CCNY: variants seen among roughly 807,000 people sequenced by gnomAD.
The protein encoded by CCNY is cyclin Y, also known as cyclin-Y.
CCNY carries 19 observed loss-of-function variants against 42.8 expected under a neutral mutation model. The ratio of observed to expected loss-of-function variants is 0.44; its 90% CI spans 0.31 to 0.65. CCNY has a LOEUF of 0.65. CCNY is among the 30% of genes least tolerant of loss of function. CCNY has a pLI of 0.07. For synonymous variants in CCNY, 165 were observed against 162.7 expected, an observed-to-expected ratio of 1.01 and a Z score of -0.11; for missense variants, 370 against 437.3, an observed-to-expected ratio of 0.85 and a Z score of 1.37.
chr10:35,251,161 T>C (rs1414100226), intron 3 of CCNY: 1 of 151,906 alleles, frequency 6.6e-6, no homozygotes, highest in African/African-American at 2.4e-5. Context: ...CGTTGGGAGG[T>C]GGAGGCAGGA....
intron 3 of CCNY, among the ~76,000 whole-genome samples, chr10:35,321,629 G>C (rs553908224): frequency 7.7e-4 from 117 of 152,124 alleles, no homozygotes; most frequent in African/African-American, 2.7e-3. Flanking sequence ...AATGACCTGT[G>C]ATCATGCCAC....
chr10:35,474,918 A>G (rs941956847), intron 1 of CCNY, among the ~76,000 whole-genome samples: 1 of 151,756 alleles, frequency 6.6e-6, no homozygotes, highest in Admixed American at 6.6e-5. Flanking sequence ...AGAAGAATGT[A>G]TAACTAGAAT....
intron 1 of CCNY, among the ~76,000 whole-genome samples, chr10:35,428,217 A>T (rs915790526): frequency 6.6e-6 from 1 of 152,164 alleles, no homozygotes; most frequent in Non-Finnish European, 1.5e-5. Context: ...CACAACCGAG[A>T]TCAAGCCACC....
intron 3 of CCNY, among the ~76,000 whole-genome samples, chr10:35,282,050 C>T (rs1835303586): frequency 6.6e-6 from 1 of 150,962 alleles, no homozygotes; most frequent in African/African-American, 2.4e-5. Context: ...TCAAGGACAT[C>T]ACTATTCTCT....
rs922812979 is a variant in CCNY at position 35,570,475 on chromosome 10, T to G, written c.*1305T>G. 2 of 152,346 alleles carry G rather than the reference T, an allele frequency of 1.3e-5. No homozygotes were observed. Among genetic ancestry groups the G allele is most frequent in the African/African-American group, 4.8e-5 (2 of 41,456 alleles). The allele number at this position is 152,346 out of a possible 1,614,324, so 9.4% of individuals were successfully genotyped here. The stretch of plus-strand genomic sequence containing the variant: ...TTTCCTTATGGACTCAATAAGAATC[T>G]TTTATATCAAGTAAAATGAAAGTTG... On this transcript the variant is annotated 3_prime_UTR_variant, in exon 10 of 10. Transcript: ENST00000374704.
At chr10:35,365,011 T>C (rs1052385386) in intron 1 of CCNY, among the ~76,000 whole-genome samples, 32 of 152,342 alleles carry the variant, frequency 2.1e-4, no homozygotes, top group Admixed American at 1.2e-3. Context: ...TAAACAAATG[T>C]ATTTCCTCGT....
At chr10:35,484,082 C>T (rs961905132) in intron 2 of CCNY, among the ~76,000 whole-genome samples, 12 of 152,158 alleles carry the variant, frequency 7.9e-5, no homozygotes, top group African/African-American at 2.4e-4. Context: ...GCATTGGCTG[C>T]AGAGGAGAGA....
intron 1 of CCNY, among the ~76,000 whole-genome samples, chr10:35,419,688 C>G (rs1054825267): frequency 1.1e-4 from 16 of 152,098 alleles, no homozygotes; most frequent in African/African-American, 3.9e-4. Flanking sequence ...TGATATACAA[C>G]TCAATTAGTC....
intron 1 of CCNY, among the ~76,000 whole-genome samples, chr10:35,357,181 T>TGCCCCA (rs1836574023): frequency 6.6e-6 from 1 of 150,874 alleles, no homozygotes; most frequent in Non-Finnish European, 1.5e-5. Flanking sequence ...CTCCTGCCCC[T>TGCCCCA]GCCCCTGCCC....
chr10:35,440,273 A>G (rs938366407), intron 1 of CCNY, among the ~76,000 whole-genome samples: 3 of 152,116 alleles, frequency 2.0e-5, no homozygotes, highest in African/African-American at 7.2e-5. Context: ...TTTATCTGAG[A>G]TAAGTGAGGC....
At chr10:35,447,512 C>T (rs980113749) in intron 1 of CCNY, among the ~76,000 whole-genome samples, 9 of 152,154 alleles carry the variant, frequency 5.9e-5, no homozygotes, top group Non-Finnish European at 1.2e-4. Context: ...TGTCATTTCT[C>T]ACACTTCTTG....
intron 3 of CCNY, among the ~76,000 whole-genome samples, chr10:35,509,187 G>A (rs189798609): frequency 6.6e-6 from 1 of 152,060 alleles, no homozygotes; most frequent in Non-Finnish European, 1.5e-5. Flanking sequence ...GAATGATTTG[G>A]TTCACCTGGG....
At chr10:35,419,535 T>C (rs79978915) in intron 1 of CCNY, among the ~76,000 whole-genome samples, 1 of 66,778 alleles carries the variant, frequency 1.5e-5, no homozygotes, top group Admixed American at 1.6e-4. Flanking sequence ...GACCGTTCCT[T>C]TTTTTTTTTT....
intron 1 of CCNY, among the ~76,000 whole-genome samples, chr10:35,403,089 C>T (rs183831578): frequency 0.029 from 1,014 of 35,010 alleles, 11 homozygotes; most frequent in African/African-American, 0.1. Context: ...CAGTCCTGGG[C>T]GGGGGAAAAT....
chr10:35,567,136 A>G (rs1234983530), intron 9 of CCNY, among the ~76,000 whole-genome samples: 1 of 152,234 alleles, frequency 6.6e-6, no homozygotes, highest in Non-Finnish European at 1.5e-5. Flanking sequence ...ATGCGCTTTC[A>G]TAGGAAAAAG....
intron 1 of CCNY, among the ~76,000 whole-genome samples, chr10:35,473,717 A>G (rs549493974): frequency 7.9e-5 from 12 of 152,358 alleles, no homozygotes; most frequent in African/African-American, 2.4e-4. Context: ...TTTTAAGCTC[A>G]GTATTCCATT....
intron 1 of CCNY, among the ~76,000 whole-genome samples, chr10:35,423,506 C>CTTT (rs1249915944): frequency 7.1e-6 from 1 of 140,268 alleles, no homozygotes. Flanking sequence ...CTGAAAGAGG[C>CTTT]TTTTTTTTTT....
chr10:35,301,950 TTTTA>T (rs151028182), intron 3 of CCNY, among the ~76,000 whole-genome samples: 2 of 81,426 alleles, frequency 2.5e-5, no homozygotes, highest in African/African-American at 3.5e-5. Context: ...TTATTTTTTA[TTTTA>T]TTTATTTATT....
chr10:35,563,617 C>G (rs1222879500), intron 8 of CCNY, among the ~76,000 whole-genome samples: 1 of 152,156 alleles, frequency 6.6e-6, no homozygotes, highest in Non-Finnish European at 1.5e-5. Flanking sequence ...CAGTATTTCA[C>G]AGGATGATCT....
Sources: allele counts gnomAD v4.1 joint callset (sites outside exome capture counted in the v4.1 genomes callset), GRCh38; gene constraint gnomAD v4.1.1; transcripts MANE v1.5; gene names NCBI Gene and HGNC (gene_info 2026-07-23, HGNC 2026-07-21).